The following CACTIN variants were observed in gnomAD, a reference collection of about 807,000 sequenced individuals.
CACTIN encodes the protein cactin, spliceosome C complex subunit.
Under a neutral mutation model 84.9 loss-of-function variants are expected in CACTIN, and 20 were observed. The observed-to-expected ratio is 0.24, with a 90% CI of 0.17 to 0.34. The LOEUF (loss-of-function observed/expected upper bound fraction) is 0.34. Ranked by LOEUF, CACTIN falls within the 10% of genes least tolerant of loss-of-function variation. CACTIN has a pLI of 1.00. For synonymous variants in CACTIN, 549 were observed against 467.9 expected (o/e 1.17, Z -2.24); for missense variants, 897 against 1,117.2 (o/e 0.80, Z 2.81).
chr19:3,612,595 C>G (rs540791352), intron 9 of CACTIN, among the ~76,000 whole-genome samples, 182 bp from the exon 10 acceptor site: 2,806 of 152,304 alleles, frequency 0.018, 45 homozygotes, highest in Non-Finnish European at 0.025. Context: ...CCATCCGCCC[C>G]GAGCCCCGGA....
rs1308885681 is a variant in CACTIN at position 3,626,629 on chromosome 19, C to T, written c.134G>A (p.Arg45Gln). Residue 45 changes from arginine (R) to glutamine (Q), a missense_variant, in exon 1 of 10, where the codon CGG (arginine) becomes CAG (glutamine). This residue lies in a region of CACTIN where 261 missense variants were observed against 243.8 expected (regional missense o/e 1.07). Coordinates refer to ENST00000429344, the MANE Select transcript of CACTIN (RefSeq NM_001080543.2). Reference sequence around the variant, plus strand: ...CCGGCTCCGCCGCCTCCGTCTGCGCCGTCCCTCGTCCTCCCGGCGCCGTCG... The same window carrying T: ...CCGGCTCCGCCGCCTCCGTCTGCGCTGTCCCTCGTCCTCCCGGCGCCGTCG... The part of the protein sequence containing the change: ...RNRRRREDEG[R>Q]RRRRRRSRER... 6.5e-6 allele frequency: 10 copies of T among 1,531,408 alleles called. No homozygotes were observed. The highest frequency in any genetic ancestry group is 8.7e-6 in the Non-Finnish European group (10 of 1,148,036). 94.9% of individuals were successfully genotyped at this position (1,531,408 alleles called of 1,614,324 possible). A position where few individuals can be genotyped will look rare whatever the true frequency, so the allele number is the denominator to read the frequency against.
At position 3,623,889 on chromosome 19, in the gene CACTIN, C is replaced by A. The variant is rs1427902507; in HGVS notation, c.441G>T (p.Arg147=). 6.2e-7 allele frequency: 1 copy of A among 1,606,134 alleles called. No homozygotes were observed. Among genetic ancestry groups the A allele is most frequent in the East Asian group, 2.2e-5 (1 of 44,872 alleles). ...QQSLQERLRL[R]EERKQQEELM... ...GCTCCTCCTGCTGCTTCCGCTCCTC[C>A]CGCAGCCGCAGCCGCTCCTGCAGGC... The change falls in exon 2 of 10, where the codon CGG becomes CGT. Residue 147 remains arginine, a synonymous_variant. Transcript: ENST00000429344.
chr19:3,624,393 A>G (rs1456340974), intron 1 of CACTIN, among the ~76,000 whole-genome samples: 2 of 152,220 alleles, frequency 1.3e-5, no homozygotes, highest in African/African-American at 4.8e-5. Flanking sequence ...CAGAAGCCAC[A>G]AAGAGTAGCA....
At position 3,624,264 on chromosome 19, in the gene CACTIN, C is replaced by T. The variant is rs1375970989; in HGVS notation, c.168-102G>A. ...GGGGGAGCAGGCACTGTTCTAGGTT[C>T]TGGGGACACAGCAGTGACCCAAATA... On this transcript the variant is annotated intron_variant, in intron 1 of 9. Coordinates refer to ENST00000429344, the MANE Select transcript of CACTIN (RefSeq NM_001080543.2). 9.9e-6 allele frequency: 11 copies of T among 1,110,176 alleles called. 1 individual carries two copies. The highest frequency in any genetic ancestry group is 1.3e-6 in the Non-Finnish European group (1 of 779,506). 68.8% of individuals were successfully genotyped at this position (1,110,176 alleles called of 1,614,324 possible).
intron 2 of CACTIN, among the ~76,000 whole-genome samples, chr19:3,622,055 A>T (rs954862869): frequency 6.6e-6 from 1 of 152,132 alleles, no homozygotes; most frequent in African/African-American, 2.4e-5. Context: ...CTGCAGCTGT[A>T]ATCATGACCC....
chr19:3,614,970 G>GC, intron 6 of CACTIN: 1 of 350,598 alleles, frequency 2.9e-6, no homozygotes, highest in Non-Finnish European at 5.5e-6. Flanking sequence ...CTGGCCTTGG[G>GC]CAGTCCATGA....
intron 9 of CACTIN, 125 bp downstream of exon 9, chr19:3,612,933 G>A (rs969530787): frequency 1.4e-5 from 16 of 1,175,888 alleles, no homozygotes; most frequent in South Asian, 2.6e-5. Context: ...TCAGAGACCC[G>A]GGGGAGAAGC....
chr19:3,619,205 T>A lies in CACTIN; in HGVS notation c.922A>T (p.Ile308Phe), dbSNP rs755078191. The change falls in exon 5 of 10, where the codon ATC becomes TTC. Residue 308 changes from isoleucine (I) to phenylalanine (F), a missense_variant. Ile to Phe is a conservative substitution (Grantham distance 21). Around this residue, in one of 8 missense-constraint regions of CACTIN, gnomAD observed 304 missense variants for 444.3 expected, o/e 0.68. Coordinates refer to ENST00000429344, the MANE Select transcript of CACTIN (RefSeq NM_001080543.2). ...CTGATGTACTTGGCCAGCAGGTCGA[T>A]GGGCTTGGCCCGCCCGTCCCGGATG... ...IRIRDGRAKP[I>F]DLLAKYISAE... is the part of the protein sequence containing the mutation. The A allele has an allele frequency of 6.2e-7, 1 of 1,613,642 alleles. No homozygotes were observed. Among genetic ancestry groups the A allele is most frequent in the Non-Finnish European group, 8.5e-7 (1 of 1,179,826 alleles).
At chr19:3,613,031 C>T (rs893786976) in intron 9 of CACTIN, 27 bp downstream of exon 9, 94 of 1,484,872 alleles carry the variant, frequency 6.3e-5, no homozygotes, top group Non-Finnish European at 8.1e-5. Context: ...ACTGGCCCCA[C>T]CCCCTGGCCT....
At chr19:3,620,600 C>T (rs2033202753) in intron 3 of CACTIN, 107 bp downstream of exon 3, 4 of 860,834 alleles carry the variant, frequency 4.6e-6, no homozygotes, top group Middle Eastern at 3.5e-4. Flanking sequence ...TACCTGAAGC[C>T]AGCCCCCAGG....
chr19:3,621,651 C>T (rs1470821610), intron 2 of CACTIN, among the ~76,000 whole-genome samples: 2 of 152,172 alleles, frequency 1.3e-5, no homozygotes, highest in African/African-American at 2.4e-5. Context: ...CCCAGCACAC[C>T]GCAGGTGCAC....
rs1406274773 is a variant in CACTIN at position 3,613,143 on chromosome 19, G to A, written c.1701C>T (p.His567=). 4 of 1,607,980 alleles carry A rather than the reference G, an allele frequency of 2.5e-6. No individual in the cohort carries two copies. Among genetic ancestry groups the A allele is most frequent in the Admixed American group, 1.7e-5 (1 of 59,918 alleles). Residue 567 remains histidine, a synonymous_variant, in exon 9 of 10, where the codon CAC becomes CAT. Coordinates refer to ENST00000429344, the MANE Select transcript of CACTIN (RefSeq NM_001080543.2). ...GRYSPRLLTA[H]ELPLDAHVLE... ...GCACGTGCGCGTCCAGTGGCAGCTC[G>A]TGCGCCGTGAGCAGCCGCGGGCTGT...
intron 6 of CACTIN, among the ~76,000 whole-genome samples, chr19:3,617,775 A>G (rs976394806): frequency 1.3e-5 from 2 of 152,186 alleles, no homozygotes; most frequent in Non-Finnish European, 2.9e-5. Flanking sequence ...GGAGCACACC[A>G]AGACCCTTAA....
Position 3,624,079 on chromosome 19 carries a change from C to G in CACTIN, c.251G>C (p.Gly84Ala). The part of the protein sequence containing the change: ...PPRPKWHSRD[G>A]SSQSDSGEEQ... ...CTCTCCTGAGTCCGACTGAGAGGACCCATCTCTTGAGTGCCACTTGGGCCG... is the reference window on the plus strand; with the variant it reads ...CTCTCCTGAGTCCGACTGAGAGGACGCATCTCTTGAGTGCCACTTGGGCCG... The change falls in exon 2 of 10, where the codon GGG (glycine) becomes GCG (alanine). Residue 84 changes from glycine (G) to alanine (A), a missense_variant. Gly to Ala is a moderately conservative substitution (Grantham distance 60). Coordinates refer to ENST00000429344, the MANE Select transcript of CACTIN (RefSeq NM_001080543.2). 6.2e-7 allele frequency: 1 copy of G among 1,601,132 alleles called. No individual in the cohort carries two copies. The highest frequency in any genetic ancestry group is 8.5e-7 in the Non-Finnish European group (1 of 1,178,666).
chr19:3,626,493 G>A (rs2033336681), intron 1 of CACTIN, 103 bp downstream of exon 1: 1 of 1,183,280 alleles, frequency 8.5e-7, no homozygotes, highest in Non-Finnish European at 1.1e-6. Context: ...AGCCCTCCCC[G>A]AGTAAGTCGG....
chr19:3,613,142 C>G lies in CACTIN; in HGVS notation c.1702G>C (p.Glu568Gln). ...RYSPRLLTAH[E>Q]LPLDAHVLEP... ...AGCACGTGCGCGTCCAGTGGCAGCTCGTGCGCCGTGAGCAGCCGCGGGCTG... is the reference window on the plus strand; with the variant it reads ...AGCACGTGCGCGTCCAGTGGCAGCTGGTGCGCCGTGAGCAGCCGCGGGCTG... The change falls in exon 9 of 10, where the codon GAG becomes CAG. Residue 568 changes from glutamate (E) to glutamine (Q), a missense_variant. By Grantham distance (29) the Glu-to-Gln change is conservative. Around this residue, in one of 8 missense-constraint regions of CACTIN, gnomAD observed 243 missense variants for 239.9 expected, o/e 1.01. Coordinates refer to ENST00000429344, the MANE Select transcript of CACTIN (RefSeq NM_001080543.2). 1 of 1,608,136 alleles carries G rather than the reference C, an allele frequency of 6.2e-7. No individual in the cohort carries two copies. The highest frequency in any genetic ancestry group is 8.5e-7 in the Non-Finnish European group (1 of 1,179,038).
intron 2 of CACTIN, among the ~76,000 whole-genome samples, chr19:3,622,428 AG>A (rs1360151543): frequency 6.7e-6 from 1 of 149,430 alleles, no homozygotes; most frequent in Non-Finnish European, 1.5e-5. Context: ...GTCATCCTGG[AG>A]GTGGCGGGCC....
At position 3,613,935 on chromosome 19, in the gene CACTIN, G is replaced by A. The variant is rs75091789; in HGVS notation, c.1356-349C>T. The A allele has an allele frequency of 8.5e-3, 3,655 of 427,568 alleles. 18 individuals are homozygous for A. Among genetic ancestry groups the A allele is most frequent in the Non-Finnish European group, 0.012 (2,850 of 235,188 alleles). 26.5% of individuals were successfully genotyped at this position (427,568 alleles called of 1,614,324 possible). A position where few individuals can be genotyped will look rare whatever the true frequency, so the allele number is the denominator to read the frequency against. ...ATTTAGAGACATTTACAAATTAGCA[G>A]AGGAGACATGTATTTACACAGCGGT... On this transcript the variant is annotated intron_variant, in intron 7 of 9. Coordinates refer to ENST00000429344, the MANE Select transcript of CACTIN (RefSeq NM_001080543.2).
intron 9 of CACTIN, 101 bp downstream of exon 9, chr19:3,612,957 C>A: frequency 7.3e-7 from 1 of 1,378,584 alleles, no homozygotes; most frequent in Non-Finnish European, 9.9e-7. Flanking sequence ...AAGCAGCTCC[C>A]CACTGACGCC....
Sources: allele counts gnomAD v4.1 joint callset (sites outside exome capture counted in the v4.1 genomes callset), GRCh38; gene constraint gnomAD v4.1.1; regional missense constraint gnomAD v4.1.1; transcripts MANE v1.5; gene names NCBI Gene and HGNC (gene_info 2026-07-23, HGNC 2026-07-21).